Variants in PPTC7 observed in about 807,000 individuals in gnomAD.
PPTC7 encodes protein phosphatase PTC7 homolog.
Under a neutral mutation model 30.8 loss-of-function variants are expected in PPTC7, and 6 were observed. That is an observed-to-expected ratio of 0.19 (90% CI 0.11 to 0.38). The LOEUF (loss-of-function observed/expected upper bound fraction) is 0.38. Ranked by LOEUF, PPTC7 falls within the 10% of genes least tolerant of loss-of-function variation. The pLI is 1.00. For synonymous variants in PPTC7, 163 were observed against 168.1 expected (o/e 0.97, Z 0.23); for missense variants, 218 against 404.8 (o/e 0.54, Z 3.96).
chr12:110,543,781 C>A (rs2064283429), intron 3 of PPTC7, among the ~76,000 whole-genome samples: 1 of 152,200 alleles, frequency 6.6e-6, no homozygotes, highest in Non-Finnish European at 1.5e-5. Context: ...TTTGACCGCA[C>A]TGAAACATGA....
At chr12:110,569,032 GC>G (rs5800891) in intron 1 of PPTC7, among the ~76,000 whole-genome samples, 65,759 of 119,794 alleles carry the variant, frequency 0.55, 14,824 homozygotes, top group East Asian at 0.83. Context: ...CCCTGTCCCC[GC>G]CCCCCCCCCT....
At chr12:110,579,804 G>A (rs1371807471) in intron 1 of PPTC7, among the ~76,000 whole-genome samples, 1 of 152,116 alleles carries the variant, frequency 6.6e-6, no homozygotes, top group Admixed American at 6.5e-5. Context: ...CCTGGGGTTA[G>A]GAGTTCGAGT....
chr12:110,569,839 G>A (rs1204270401), intron 1 of PPTC7, among the ~76,000 whole-genome samples: 1 of 152,226 alleles, frequency 6.6e-6, no homozygotes, highest in Non-Finnish European at 1.5e-5. Flanking sequence ...GATTTAGAGA[G>A]TGGAAACAGT....
At chr12:110,557,240 T>A (rs146354447) in intron 1 of PPTC7, among the ~76,000 whole-genome samples, 101 of 152,280 alleles carry the variant, frequency 6.6e-4, no homozygotes, top group African/African-American at 2.3e-3. Flanking sequence ...TTCCAAAAAC[T>A]TAGTACCAAC....
intron 1 of PPTC7, among the ~76,000 whole-genome samples, chr12:110,556,829 A>G (rs1457510687): frequency 1.3e-5 from 2 of 152,106 alleles, no homozygotes; most frequent in Non-Finnish European, 2.9e-5. Context: ...GGCTCCCATA[A>G]ACACTGCTGC....
At chr12:110,580,736 G>T (rs1210281648) in intron 1 of PPTC7, among the ~76,000 whole-genome samples, 1 of 151,628 alleles carries the variant, frequency 6.6e-6, no homozygotes, top group Non-Finnish European at 1.5e-5. Context: ...TTTCACAAAA[G>T]TCGCATACAG....
At chr12:110,551,703 G>T in intron 2 of PPTC7, 86 bp downstream of exon 2, 1 of 1,247,690 alleles carries the variant, frequency 8.0e-7, no homozygotes, top group Non-Finnish European at 1.1e-6. Context: ...TCAGAAAAAA[G>T]CTGGTCCGAT....
intron 1 of PPTC7, among the ~76,000 whole-genome samples, chr12:110,556,333 G>A (rs893128648): frequency 6.6e-6 from 1 of 152,156 alleles, no homozygotes; most frequent in Non-Finnish European, 1.5e-5. Flanking sequence ...CCTTAATACA[G>A]TGCATATATA....
intron 4 of PPTC7, 80 bp from the exon 5 acceptor site, chr12:110,538,353 A>G (rs918247075): frequency 2.0e-5 from 28 of 1,382,018 alleles, no homozygotes; most frequent in Non-Finnish European, 1.0e-6. Context: ...TCCATCATGT[A>G]AGTTTTATTC....
At chr12:110,568,214 T>TCTC (rs2064501258) in intron 1 of PPTC7, among the ~76,000 whole-genome samples, 3 of 151,772 alleles carry the variant, frequency 2.0e-5, no homozygotes, top group South Asian at 2.1e-4. Flanking sequence ...GAAAAACCCT[T>TCTC]CTCTTAAGGC....
chr12:110,559,412 ATT>A (rs538513009), intron 1 of PPTC7, among the ~76,000 whole-genome samples: 19 of 144,872 alleles, frequency 1.3e-4, no homozygotes, highest in African/African-American at 4.8e-4. Flanking sequence ...GAAGAAAAAA[ATT>A]TTTTTTTTTT....
chr12:110,580,839 C>T (rs1365445301), intron 1 of PPTC7, among the ~76,000 whole-genome samples: 4 of 151,924 alleles, frequency 2.6e-5, no homozygotes, highest in Non-Finnish European at 5.9e-5. Flanking sequence ...GAAGCCTCCA[C>T]CTCCCTGGTT....
At chr12:110,565,396 C>T (rs1427846236) in intron 1 of PPTC7, among the ~76,000 whole-genome samples, 1 of 152,014 alleles carries the variant, frequency 6.6e-6, no homozygotes, top group Non-Finnish European at 1.5e-5. Flanking sequence ...GCTGGGATTA[C>T]AGGCGCCCAC....
Position 110,546,073 on chromosome 12 carries a change from T to G in PPTC7, c.409A>C (p.Ser137Arg). 1 of 1,613,384 alleles carries G rather than the reference T, an allele frequency of 6.2e-7. No homozygotes were observed. Among genetic ancestry groups the G allele is most frequent in the Non-Finnish European group, 8.5e-7 (1 of 1,179,568 alleles). ...LQNKVPLLGS[S>R]TACIVVLDRT... ...TCCAGCACCACAATGCAGGCGGTGCTGCTACCTAGAAACAAAAATCATCTC... is the reference window on the plus strand; with the variant it reads ...TCCAGCACCACAATGCAGGCGGTGCGGCTACCTAGAAACAAAAATCATCTC... Residue 137 changes from serine (S) to arginine (R), a missense_variant, in exon 3 of 6, where the codon AGC becomes CGC. Coordinates refer to ENST00000354300, the MANE Select transcript of PPTC7 (RefSeq NM_139283.2).
chr12:110,538,340 T>C, intron 4 of PPTC7, 67 bp from the exon 5 acceptor site: 2 of 1,437,202 alleles, frequency 1.4e-6, no homozygotes, highest in South Asian at 2.4e-5. Context: ...TCTAACCACC[T>C]TTTCCATCAT....
At chr12:110,565,670 T>C (rs565606956) in intron 1 of PPTC7, among the ~76,000 whole-genome samples, 1 of 152,362 alleles carries the variant, frequency 6.6e-6, no homozygotes, top group Admixed American at 6.5e-5. Context: ...ATATTAAAAC[T>C]ATTCAAAACA....
In PPTC7 at chr12:110,549,390, CCTAA is replaced by C. The variant is rs139037334; in HGVS notation, c.403+2395_403+2398del. Among the ~76,000 whole-genome samples the C allele has an allele frequency of 7.3e-3, 1,114 of 152,096 alleles. 20 individuals carry two copies. Among genetic ancestry groups the C allele is most frequent in the African/African-American group, 0.025 (1,035 of 41,484 alleles). On this transcript the variant is annotated intron_variant, in intron 2 of 5. Transcript: ENST00000354300. ...TTGCTGGATTAAAAAAAAAAAATTA[CCTAA>C]CTAACTTATCTGGTAAAGTTGTCAT...
At chr12:110,578,944 G>C (rs577227393) in intron 1 of PPTC7, among the ~76,000 whole-genome samples, 1 of 152,206 alleles carries the variant, frequency 6.6e-6, no homozygotes, top group Non-Finnish European at 1.5e-5. Flanking sequence ...TCAGGAGTTC[G>C]ACACCAGCCT....
intron 1 of PPTC7, among the ~76,000 whole-genome samples, chr12:110,557,347 T>C (rs1311791950): frequency 6.6e-6 from 1 of 152,204 alleles, no homozygotes; most frequent in Non-Finnish European, 1.5e-5. Context: ...TGATCATAGC[T>C]CACTGCAGTC....
Sources: gnomAD v4.1 joint callset for allele counts (sites outside exome capture counted in the v4.1 genomes callset) on GRCh38, gnomAD v4.1.1 for gene constraint, MANE v1.5 for transcripts, NCBI Gene and HGNC (gene_info 2026-07-23, HGNC 2026-07-21) for gene names.